Variants in AGTPBP1 observed in about 807,000 individuals in gnomAD.
AGTPBP1 encodes cytosolic carboxypeptidase 1.
In AGTPBP1, 70 loss-of-function variants were observed where a neutral mutation model predicts 143.9. The observed-to-expected ratio is 0.49, with a 90% CI of 0.40 to 0.59. The LOEUF is 0.59. Ranked by LOEUF, AGTPBP1 falls within the 20% of genes least tolerant of loss-of-function variation. The probability of loss-of-function intolerance (pLI) is 0.00; values close to 1 mark genes in which losing one functional copy is unlikely to be tolerated. For missense variants in AGTPBP1, 1,229 were observed against 1,464.5 expected, an observed-to-expected ratio of 0.84 and a Z score of 2.62; for synonymous variants, 463 against 500.2, an observed-to-expected ratio of 0.93 and a Z score of 0.99.
At chr9:85,629,974 T>A (rs1171084070) in intron 14 of AGTPBP1, among the ~76,000 whole-genome samples, 1 of 152,196 alleles carries the variant, frequency 6.6e-6, no homozygotes, top group Non-Finnish European at 1.5e-5. Context: ...TAACCTTACC[T>A]CAAATATTAC....
chr9:85,805,283 A>G, the AGTPBP1 span: 35 of 148,144 alleles, frequency 2.4e-4, no homozygotes, highest in African/African-American at 8.4e-4. Context: ...CCCCGCCCCG[A>G]GGCTCTCACG....
At chr9:85,770,349 G>T in the AGTPBP1 span, 16 of 1,607,674 alleles carry the variant, frequency 1.0e-5, no homozygotes, top group Non-Finnish European at 1.3e-5. Context: ...TTGAATACAA[G>T]AATGAAAGTA....
the AGTPBP1 span, among the ~76,000 whole-genome samples, chr9:85,769,243 T>A: frequency 1.3e-5 from 2 of 152,028 alleles, no homozygotes; most frequent in Non-Finnish European, 2.9e-5. Flanking sequence ...GGTGTGCAGA[T>A]GGACAAGATA....
At chr9:85,641,611 T>G (rs768847384) in intron 13 of AGTPBP1, among the ~76,000 whole-genome samples, 8 of 152,122 alleles carry the variant, frequency 5.3e-5, no homozygotes, top group African/African-American at 1.9e-4. Context: ...GGACAGTTGT[T>G]GCATCTTTTA....
chr9:85,805,193 A>AACCTCTAACTAGCGC, the AGTPBP1 span, among the ~76,000 whole-genome samples: 1 of 152,022 alleles, frequency 6.6e-6, no homozygotes. Flanking sequence ...GTCACCGGCG[A>AACCTCTAACTAGCGC]ACCTCTAACC....
At chr9:85,751,907 A>G in the AGTPBP1 span, among the ~76,000 whole-genome samples, 1 of 151,116 alleles carries the variant, frequency 6.6e-6, no homozygotes, top group Non-Finnish European at 1.5e-5. Context: ...CTCCTGGCCA[A>G]CATCGCACCT....
chr9:85,690,445 C>T (rs1835788048), intron 3 of AGTPBP1, among the ~76,000 whole-genome samples: 1 of 152,100 alleles, frequency 6.6e-6, no homozygotes, highest in Non-Finnish European at 1.5e-5. Flanking sequence ...GAGGGTCATT[C>T]TCTGATAGTG....
At chr9:85,691,483 C>T (rs1371927581) in intron 3 of AGTPBP1, among the ~76,000 whole-genome samples, 2 of 150,942 alleles carry the variant, frequency 1.3e-5, no homozygotes, top group East Asian at 3.9e-4. Flanking sequence ...CTTTTATGTG[C>T]ACTGTTAAAT....
chr9:85,692,625 T>C (rs1451039900), intron 3 of AGTPBP1, 64 bp downstream of exon 3: 1 of 1,566,892 alleles, frequency 6.4e-7, no homozygotes, highest in Non-Finnish European at 8.6e-7. Context: ...TTTGAACATT[T>C]TTAGCATCCA....
At chr9:85,703,422 T>C (rs1836795582) in intron 2 of AGTPBP1, among the ~76,000 whole-genome samples, 1 of 152,326 alleles carries the variant, frequency 6.6e-6, no homozygotes, top group East Asian at 1.9e-4. Flanking sequence ...GATAAAAGCC[T>C]GGTCAAGGTA....
chr9:85,621,225 C>A lies in AGTPBP1; in HGVS notation c.2076G>T (p.Val692=). Residue 692 remains valine (V), a synonymous_variant, in exon 15 of 26, where the codon GTG becomes GTT. Transcript: ENST00000357081. ...ACTTTGGGTTATCCAAGTCATATAC[C>A]ACACGATCTATGATATCACTCTGAT... ...LIHQSDIIDR[V]VYDLDNPNYT... 6.8e-7 allele frequency: 1 copy of A among 1,471,746 alleles called. No homozygotes were observed. The highest frequency in any genetic ancestry group is 8.9e-7 in the Non-Finnish European group (1 of 1,118,578). The allele number at this position is 1,471,746 out of a possible 1,614,324, so 91.2% of individuals were successfully genotyped here.
At chr9:85,678,502 T>C in intron 4 of AGTPBP1, 104 bp from the exon 5 acceptor site, 1 of 628,332 alleles carries the variant, frequency 1.6e-6, no homozygotes, top group South Asian at 2.7e-5. Context: ...CTTTCCAATT[T>C]CTCTAGGAAC....
chr9:85,741,576 C>A, intron 1 of AGTPBP1, 199 bp downstream of exon 1: 1 of 985,414 alleles, frequency 1.0e-6, no homozygotes, highest in Non-Finnish European at 1.2e-6. Flanking sequence ...CCCACCCCGT[C>A]AGGGCTTTCC....
chr9:85,644,475 G>C (rs1289222057), intron 12 of AGTPBP1, among the ~76,000 whole-genome samples: 1 of 149,640 alleles, frequency 6.7e-6, no homozygotes, highest in Non-Finnish European at 1.5e-5. Flanking sequence ...AGGTATAATG[G>C]GGAAAGAAAA....
intron 17 of AGTPBP1, among the ~76,000 whole-genome samples, chr9:85,599,219 A>G (rs1166138377): frequency 8.1e-5 from 12 of 148,200 alleles, no homozygotes; most frequent in African/African-American, 3.0e-4. Context: ...GGGAGAGAGG[A>G]AGAGAGGCAG....
At chr9:85,609,572 C>T (rs542435221) in intron 17 of AGTPBP1, among the ~76,000 whole-genome samples, 1 of 152,096 alleles carries the variant, frequency 6.6e-6, no homozygotes, top group Admixed American at 6.6e-5. Context: ...TGAGCCACCG[C>T]GCCCGGCCAG....
intron 1 of AGTPBP1, among the ~76,000 whole-genome samples, chr9:85,727,765 A>T (rs1376569950): frequency 3.3e-5 from 5 of 152,084 alleles, no homozygotes; most frequent in Admixed American, 2.6e-4. Flanking sequence ...TTGTAATCCC[A>T]AGTGCTTTGA....
intron 17 of AGTPBP1, among the ~76,000 whole-genome samples, chr9:85,601,776 G>A (rs1290836312): frequency 1.3e-5 from 2 of 152,110 alleles, no homozygotes; most frequent in Non-Finnish European, 2.9e-5. Flanking sequence ...CAGTCATGCT[G>A]GGTCCTAAGG....
At chr9:85,718,862 G>A (rs1293746842) in intron 1 of AGTPBP1, among the ~76,000 whole-genome samples, 1 of 152,150 alleles carries the variant, frequency 6.6e-6, no homozygotes, top group African/African-American at 2.4e-5. Flanking sequence ...GTAAGGAAGG[G>A]ATCCAGTTTC....
Sources: allele counts gnomAD v4.1 joint callset (sites outside exome capture counted in the v4.1 genomes callset), GRCh38; gene constraint gnomAD v4.1.1; transcripts MANE v1.5; gene names NCBI Gene and HGNC (gene_info 2026-07-23, HGNC 2026-07-21).